Variants in ADGRE2 observed in about 807,000 individuals in gnomAD.
ADGRE2 encodes adhesion G protein-coupled receptor E2, also known as CD97 antigen.
A neutral mutation model predicts 100.8 loss-of-function variants in ADGRE2; 83 were observed. The ratio of observed to expected loss-of-function variants is 0.82; its 90% CI spans 0.69 to 0.99. The LOEUF (loss-of-function observed/expected upper bound fraction) is 0.99, where lower values mean the gene tolerates loss of function less well. ADGRE2 is among the 50% of genes least tolerant of loss of function. ADGRE2 has a pLI of 0.00. For synonymous variants in ADGRE2, 355 were observed against 413.0 expected, an observed-to-expected ratio of 0.86 and a Z score of 1.70; for missense variants, 814 against 1,035.7, an observed-to-expected ratio of 0.79 and a Z score of 2.94.
At chr19:14,726,181 C>CT in the ADGRE2 span, among the ~76,000 whole-genome samples, 1 of 152,220 alleles carries the variant, frequency 6.6e-6, no homozygotes, top group Non-Finnish European at 1.5e-5. Flanking sequence ...ACCTGGGCCC[C>CT]TTTGAGCCAA....
chr19:14,764,658 C>T (rs753588538), intron 10 of ADGRE2, 48 bp from the exon 11 acceptor site: 19 of 1,546,704 alleles, frequency 1.2e-5, no homozygotes, highest in South Asian at 1.2e-4. Context: ...CCAGAGGGCC[C>T]GCATGAAGAC....
chr19:14,752,729 T>C (rs1003902065), intron 14 of ADGRE2, among the ~76,000 whole-genome samples: 5 of 152,122 alleles, frequency 3.3e-5, no homozygotes, highest in African/African-American at 1.2e-4. Context: ...GGCGTAGTCA[T>C]GTAGGTGACA....
In ADGRE2 at chr19:14,743,476, A is replaced by T. The variant is rs374876815; in HGVS notation, c.2407T>A (p.Ser803Thr). The change falls in exon 20 of 21, where the codon TCT becomes ACT. Residue 803 changes from serine (S) to threonine (T), a missense_variant. By Grantham distance (58) the Ser-to-Thr change is moderately conservative. Coordinates refer to ENST00000315576, the MANE Select transcript of ADGRE2 (RefSeq NM_013447.4). ...SKGIRKLKTE[S>T]EMHTLSSSAK... ...CTGCTGGAGAGTGTGTGCATCTCAG[A>T]CTCAGTTTTCAATTTCCTGATCCCT... The T allele has an allele frequency of 3.3e-5, 54 of 1,613,878 alleles. No homozygotes were observed. In the African/African-American group the frequency reaches 6.7e-4, roughly 20 times the overall value.
rs372645896 is a variant in ADGRE2, at chr19:14,765,800, C to T, written c.639G>A (p.Val213=). 3 of 1,612,876 alleles carry T rather than the reference C, an allele frequency of 1.9e-6. No homozygotes were observed. The highest frequency in any genetic ancestry group is 2.2e-5 in the East Asian group (1 of 44,866). ...GATGCTGCCCGGAGCTGCACTCGTC[C>T]ACATCTGAGGACAGGAAGAAGGGGG... The part of the protein sequence containing the change: ...NGPNNTVCED[V]DECSSGQHQC... The change falls in exon 8 of 21, where the codon GTG becomes GTA. Residue 213 remains valine (V), a synonymous_variant. Transcript: ENST00000315576.
downstream of ADGRE2, among the ~76,000 whole-genome samples, chr19:14,728,741 G>A (rs1045153498): frequency 5.3e-5 from 8 of 152,182 alleles, no homozygotes; most frequent in African/African-American, 1.9e-4. Context: ...ATAAATGCTG[G>A]GTGCTGCAAA....
rs549290975 is a variant in ADGRE2 at position 14,778,334 on chromosome 19, G to C, written c.-249C>G. 5.7e-6 allele frequency: 1 copy of C among 175,084 alleles called. No individual in the cohort carries two copies. Among genetic ancestry groups the C allele is most frequent in the East Asian group, 1.9e-4 (1 of 5,320 alleles). The allele number at this position is 175,084 out of a possible 1,614,324, so 10.8% of individuals were successfully genotyped here. A position where few individuals can be genotyped will look rare whatever the true frequency, so the allele number is the denominator to read the frequency against. ...GAGGCAGGAAGAATCACCCGAGCTG[G>C]GGAGTTTGAGGCTGCGGTGAGCTAA... On this transcript the variant is annotated 5_prime_UTR_variant, in exon 1 of 21. Coordinates refer to ENST00000315576, the MANE Select transcript of ADGRE2 (RefSeq NM_013447.4).
downstream of ADGRE2, chr19:14,731,350 C>T: frequency 1.5e-6 from 1 of 671,766 alleles, no homozygotes; most frequent in Non-Finnish European, 2.5e-6. Context: ...AGTTCCGTGA[C>T]ATCCGGGCTC....
At chr19:14,737,615 C>T (rs972281002) in intron 20 of ADGRE2, among the ~76,000 whole-genome samples, 8 of 152,070 alleles carry the variant, frequency 5.3e-5, no homozygotes, top group Non-Finnish European at 8.8e-5. Context: ...TCTTTGTATG[C>T]CTCCTAAACC....
the ADGRE2 span, among the ~76,000 whole-genome samples, chr19:14,725,244 A>G: frequency 2.6e-5 from 4 of 152,192 alleles, no homozygotes; most frequent in East Asian, 7.7e-4. Context: ...TGGGGATGAC[A>G]CTAAGCCATT....
At chr19:14,759,503 A>ATATATATATATATATATATATAT (rs60789454) in intron 11 of ADGRE2, among the ~76,000 whole-genome samples, 7 of 133,380 alleles carry the variant, frequency 5.2e-5, no homozygotes, top group African/African-American at 1.8e-4. Context: ...ATATATATAT[A>ATATATATATATATATATATATAT]TTTTTTTTTT....
At chr19:14,769,185 T>G (rs2044101182) in intron 5 of ADGRE2, among the ~76,000 whole-genome samples, 1 of 151,210 alleles carries the variant, frequency 6.6e-6, no homozygotes, top group African/African-American at 2.4e-5. Context: ...AGGCCAGGAG[T>G]TCGAGACCAG....
chr19:14,755,581 G>A (rs1294185684), intron 13 of ADGRE2, 73 bp downstream of exon 13: 37 of 1,379,504 alleles, frequency 2.7e-5, no homozygotes, highest in Non-Finnish European at 3.8e-5. Context: ...CTGAGCCCCA[G>A]GGCTGAGCTG....
At chr19:14,757,813 T>G (rs866421575) in intron 11 of ADGRE2, among the ~76,000 whole-genome samples, 21 of 152,144 alleles carry the variant, frequency 1.4e-4, no homozygotes, top group African/African-American at 5.1e-4. Context: ...TTTTTTTATT[T>G]TTATTTTTGG....
At chr19:14,731,476 G>A (rs2042671180), downstream of ADGRE2, 2 of 423,206 alleles carry the variant, frequency 4.7e-6, no homozygotes, top group African/African-American at 4.0e-5. Context: ...TGCAATGACT[G>A]TTAGATGCAG....
At chr19:14,759,488 C>CATATATATATATATATAT (rs147074153) in intron 11 of ADGRE2, among the ~76,000 whole-genome samples, 25 of 133,580 alleles carry the variant, frequency 1.9e-4, no homozygotes, top group African/African-American at 6.2e-4. Flanking sequence ...ATAAGTTATA[C>CATATATATATATATATAT]ATATATATAT....
rs755932272 is a variant in ADGRE2 at position 14,764,675 on chromosome 19, C to A, written c.907-65G>T. The stretch of plus-strand genomic sequence containing the variant: ...AGAGGGCCCGCATGAAGACTCCAAC[C>A]GCTCAGCCCCAGGGAACAGATCCTA... On this transcript the variant is annotated intron_variant, in intron 10 of 20. Transcript: ENST00000315576. The A allele has an allele frequency of 1.1e-5, 17 of 1,487,604 alleles. No individual in the cohort carries two copies. In the African/African-American group the frequency reaches 2.2e-4, roughly 20 times the overall value. The allele number at this position is 1,487,604 out of a possible 1,614,324, so 92.2% of individuals were successfully genotyped here. A position where few individuals can be genotyped will look rare whatever the true frequency, so the allele number is the denominator to read the frequency against.
rs910101868 is a variant in ADGRE2, at chr19:14,734,532, G to A, written c.*1704C>T. Reference sequence around the variant, plus strand: ...CAAGACCCTGCCTCAAAAAAAATTAGAATCTACCAGGTTGAGTTGCTTTTG... The same window carrying A: ...CAAGACCCTGCCTCAAAAAAAATTAAAATCTACCAGGTTGAGTTGCTTTTG... On this transcript the variant is annotated 3_prime_UTR_variant, in exon 21 of 21. Transcript: ENST00000315576. 11 of 152,096 alleles carry A rather than the reference G, an allele frequency of 7.2e-5. No homozygotes were observed. Among genetic ancestry groups the A allele is most frequent in the African/African-American group, 1.2e-4 (5 of 41,436 alleles). The allele number at this position is 152,096 out of a possible 1,614,324, so 9.4% of individuals were successfully genotyped here.
intron 2 of ADGRE2, among the ~76,000 whole-genome samples, chr19:14,774,536 T>C (rs920829014): frequency 3.3e-5 from 5 of 150,978 alleles, no homozygotes; most frequent in Admixed American, 1.3e-4. Context: ...TGACACAGGG[T>C]CTCTCTGGGT....
At position 14,751,316 on chromosome 19, in the gene ADGRE2, A is replaced by G. The variant is rs2043276031; in HGVS notation, c.2024+120T>C. ...AAGGAGCTGCAGTGTAATCCAACCA[A>G]TAGAGCCTAAAATCCCTACTGATCT... On this transcript the variant is annotated intron_variant, in intron 16 of 20. Transcript: ENST00000315576. 18 of 693,530 alleles carry G rather than the reference A, an allele frequency of 2.6e-5. 1 individual carries two copies. The South Asian group carries it at 3.2e-4, about 12-fold the overall frequency. 43.0% of individuals were successfully genotyped at this position (693,530 alleles called of 1,614,324 possible).
Sources: allele counts gnomAD v4.1 joint callset (sites outside exome capture counted in the v4.1 genomes callset), GRCh38; gene constraint gnomAD v4.1.1; transcripts MANE v1.5; gene names NCBI Gene and HGNC (gene_info 2026-07-23, HGNC 2026-07-21).